Variants in PPRC1 observed in about 807,000 individuals in gnomAD.
PPRC1 encodes the protein PPARG related coactivator 1.
In PPRC1, 23 loss-of-function variants were observed where a neutral mutation model predicts 132.5. The observed-to-expected ratio is 0.17, with a 90% CI of 0.12 to 0.25. The LOEUF (loss-of-function observed/expected upper bound fraction) is 0.25, where lower values mean the gene tolerates loss of function less well. PPRC1 is among the 10% of genes least tolerant of loss of function. PPRC1 has a pLI of 1.00. For synonymous variants in PPRC1, 872 were observed against 833.5 expected (o/e 1.05, Z -0.80); for missense variants, 2,006 against 2,089.1 (o/e 0.96, Z 0.78).
chr10:102,141,245 C>T lies in PPRC1; in HGVS notation c.2737C>T (p.Pro913Ser). 1 of 1,614,096 alleles carries T rather than the reference C, an allele frequency of 6.2e-7. No individual in the cohort carries two copies. Among genetic ancestry groups the T allele is most frequent in the Non-Finnish European group, 8.5e-7 (1 of 1,179,978 alleles). The stretch of plus-strand genomic sequence containing the variant: ...GTCTATGGGGCCAGTACTACCTGAT[C>T]CGTTTACTCACTATGCCCCCTTGCC... ...PLSMGPVLPD[P>S]FTHYAPLPSW... is the part of the protein sequence containing the mutation. The change falls in exon 5 of 14, where the codon CCG becomes TCG. Residue 913 changes from proline to serine, a missense_variant. By Grantham distance (74) the Pro-to-Ser change is moderately conservative (BLOSUM62 -1). This residue lies in a region of PPRC1 where 1,914 missense variants were observed against 1,917.2 expected (regional missense o/e 1.00). Transcript: ENST00000278070.
chr10:102,136,355 T>C (rs2068722316), intron 1 of PPRC1, among the ~76,000 whole-genome samples: 1 of 152,118 alleles, frequency 6.6e-6, no homozygotes, highest in Admixed American at 6.5e-5. Context: ...GTTGCTTTTT[T>C]CTTTTGGAAG....
intron 5 of PPRC1, chr10:102,142,817 T>G: frequency 2.7e-5 from 10 of 377,020 alleles, no homozygotes; most frequent in Admixed American, 4.1e-5. Context: ...GTAGCTGGGA[T>G]TTATAGGCAC....
At chr10:102,127,019 T>TTTTTTATATATA in the PPRC1 span, among the ~76,000 whole-genome samples, 4 of 78,892 alleles carry the variant, frequency 5.1e-5, no homozygotes, top group Admixed American at 1.5e-4. Context: ...TGGTTTTTTA[T>TTTTTTATATATA]CATATATATA....
Position 102,146,931 on chromosome 10 carries a change from C to T in PPRC1, c.3939C>T (p.Val1313=), listed in dbSNP as rs759511283. The T allele has an allele frequency of 1.2e-6, 2 of 1,614,124 alleles. No individual in the cohort carries two copies. Among genetic ancestry groups the T allele is most frequent in the African/African-American group, 1.3e-5 (1 of 75,028 alleles). ...RTPPKKMPAL[V]IPEVGSRWNV... is the part of the protein sequence containing the mutation. ...CCCCAAAAAAGATGCCTGCCCTAGT[C>T]ATTCCAGAGGTGGGCTCCCGATGGA... Residue 1313 remains valine, a synonymous_variant, in exon 9 of 14, where the codon GTC becomes GTT. Transcript: ENST00000278070.
Position 102,140,084 on chromosome 10 carries a change from C to G in PPRC1, c.1576C>G (p.Arg526Gly). Reference protein sequence around the residue: ...QGKGKPRAWARAWAAALENSS... With the variant: ...QGKGKPRAWAGAWAAALENSS... ...TAAGGGGAAGCCCCGGGCTTGGGCT[C>G]GGGCCTGGGCAGCTGCCTTGGAGAA... is the stretch of plus-strand genomic sequence containing the variant. The change falls in exon 5 of 14, where the codon CGG becomes GGG. Residue 526 changes from arginine (R) to glycine (G), a missense_variant. Physicochemically the swap from Arg to Gly is moderately radical, Grantham distance 125. Transcript: ENST00000278070. 1 of 1,614,230 alleles carries G rather than the reference C, an allele frequency of 6.2e-7. No homozygotes were observed. The highest frequency in any genetic ancestry group is 8.5e-7 in the Non-Finnish European group (1 of 1,180,040).
upstream of PPRC1, among the ~76,000 whole-genome samples, chr10:102,129,859 C>T (rs910099437): frequency 6.6e-6 from 1 of 152,146 alleles, no homozygotes; most frequent in African/African-American, 2.4e-5. Flanking sequence ...CTGCCTCGGC[C>T]TCCCAAAGTG....
Position 102,147,201 on chromosome 10 carries a change from C to T in PPRC1, c.4209C>T (p.Arg1403=). 6.2e-7 allele frequency: 1 copy of T among 1,613,924 alleles called. No homozygotes were observed. The highest frequency in any genetic ancestry group is 8.5e-7 in the Non-Finnish European group (1 of 1,180,048). ...CCTCAGCCAAGCAGCGGTCAATGCG[C>T]TGTTACCGAAAAGCCTGCAGGTCAG... ...PEPSAKQRSM[R]CYRKACRSAS... Residue 1403 remains arginine (R), a synonymous_variant, in exon 9 of 14, where the codon CGC becomes CGT. Coordinates refer to ENST00000278070, the MANE Select transcript of PPRC1 (RefSeq NM_015062.5).
chr10:102,141,864 A>G lies in PPRC1; in HGVS notation c.3356A>G (p.Lys1119Arg). The G allele has an allele frequency of 6.2e-7, 1 of 1,614,076 alleles. No individual in the cohort carries two copies. The highest frequency in any genetic ancestry group is 8.5e-7 in the Non-Finnish European group (1 of 1,179,982). Reference protein sequence around the residue: ...PREKPPLPATKAVPTPRQSTV... With the variant: ...PREKPPLPATRAVPTPRQSTV... ...GAGAAGCCCCCCTTGCCTGCTACCA[A>G]GGCTGTTCCCACACCAAGGCAGAGC... The change falls in exon 5 of 14, where the codon AAG (lysine) becomes AGG (arginine). Residue 1119 changes from lysine to arginine, a missense_variant. By Grantham distance (26) the Lys-to-Arg change is conservative. Around this residue, in one of 2 missense-constraint regions of PPRC1, gnomAD observed 1,914 missense variants for 1,917.2 expected, o/e 1.00. Coordinates refer to ENST00000278070, the MANE Select transcript of PPRC1 (RefSeq NM_015062.5).
Position 102,141,345 on chromosome 10 carries a change from T to G in PPRC1, c.2837T>G (p.Val946Gly). Reference sequence around the variant, plus strand: ...CCCCCCCCACCAACGGTGCCCCTAGTGTCTGGTACTCCTGGTGCCTATGCC... The same window carrying G: ...CCCCCCCCACCAACGGTGCCCCTAGGGTCTGGTACTCCTGGTGCCTATGCC... ...CLPPPPTVPL[V>G]SGTPGAYAVP... is the part of the protein sequence containing the mutation. Residue 946 changes from valine to glycine, a missense_variant, in exon 5 of 14, where the codon GTG becomes GGG. Transcript: ENST00000278070. 1.2e-6 allele frequency: 2 copies of G among 1,614,118 alleles called. No homozygotes were observed. The highest frequency in any genetic ancestry group is 1.7e-6 in the Non-Finnish European group (2 of 1,180,010).
At position 102,138,895 on chromosome 10, in the gene PPRC1, C is replaced by T. The variant is rs781710563; in HGVS notation, c.506C>T (p.Thr169Ile). 1.9e-6 allele frequency: 3 copies of T among 1,613,900 alleles called. No homozygotes were observed. The highest frequency in any genetic ancestry group is 1.7e-6 in the Non-Finnish European group (2 of 1,179,898). Residue 169 changes from threonine to isoleucine, a missense_variant, in exon 4 of 14, where the codon ACT becomes ATT. Around this residue, in one of 2 missense-constraint regions of PPRC1, gnomAD observed 1,914 missense variants for 1,917.2 expected, o/e 1.00. Transcript: ENST00000278070. ...CCCTCTTAGCTGCACAAGCTGCTTA[C>T]TCTCTCTCGGACACCCCCAGAACGT... ...REGSSLHKLL[T>I]LSRTPPERDL... is the part of the protein sequence containing the mutation.
At chr10:102,146,646 A>G (rs775115955) in intron 8 of PPRC1, 26 bp from the exon 9 acceptor site, 24 of 1,581,990 alleles carry the variant, frequency 1.5e-5, no homozygotes, top group Middle Eastern at 2.2e-4. Context: ...TCATCCTGCT[A>G]TCTCCATCCT....
rs78664115 is a variant in PPRC1, at chr10:102,147,412, T to C, written c.4400+20T>C. 1,796 of 1,584,088 alleles carry C rather than the reference T, an allele frequency of 1.1e-3. 17 individuals carry two copies. In the African/African-American group the frequency reaches 0.021, roughly 19 times the overall value. The stretch of plus-strand genomic sequence containing the variant: ...GCGAAGGTGAGCTTTGATGGCCCTG[T>C]AGGTCCTCTCCATTTAGGAAGTTCA... On this transcript the variant is annotated intron_variant, in intron 9 of 13. Coordinates refer to ENST00000278070, the MANE Select transcript of PPRC1 (RefSeq NM_015062.5).
At chr10:102,138,438 A>AC (rs2068805335) in intron 2 of PPRC1, among the ~76,000 whole-genome samples, 181 bp from the exon 3 acceptor site, 1 of 152,192 alleles carries the variant, frequency 6.6e-6, no homozygotes, top group African/African-American at 2.4e-5. Flanking sequence ...CTCTGTTGAC[A>AC]CCAAGAGCTG....
chr10:102,149,008 G>A, intron 12 of PPRC1, 70 bp downstream of exon 12: 1 of 1,589,480 alleles, frequency 6.3e-7, no homozygotes, highest in Non-Finnish European at 8.6e-7. Context: ...TCTTTGTCTT[G>A]CCTCCTTGCT....
chr10:102,125,868 T>C, the PPRC1 span, among the ~76,000 whole-genome samples: 88 of 151,280 alleles, frequency 5.8e-4, no homozygotes, highest in East Asian at 0.012. Context: ...TCTTTTCTTT[T>C]TTTTTTTTTT....
the PPRC1 span, among the ~76,000 whole-genome samples, chr10:102,122,190 C>G: frequency 6.6e-6 from 1 of 152,124 alleles, no homozygotes; most frequent in African/African-American, 2.4e-5. Context: ...TGCACCCCCT[C>G]CCTGCATTCT....
At chr10:102,133,039 C>A, upstream of PPRC1, 2 of 1,239,436 alleles carry the variant, frequency 1.6e-6, no homozygotes, top group Non-Finnish European at 1.0e-6. Context: ...CGCCAGCGAT[C>A]AGAGCAGCGC....
Position 102,138,837 on chromosome 10 carries a change from T to G in PPRC1, c.490-42T>G, listed in dbSNP as rs200253190. ...ATGCCTGTGGACCTACTCATATAGC[T>G]CTGAAGCATAGACTGATCTCAGGTC... On this transcript the variant is annotated intron_variant, in intron 3 of 13. Transcript: ENST00000278070. 14 of 1,611,938 alleles carry G rather than the reference T, an allele frequency of 8.7e-6. No homozygotes were observed. The East Asian group carries it at 3.1e-4, about 36-fold the overall frequency.
chr10:102,147,251 A>C lies in PPRC1; in HGVS notation c.4259A>C (p.Gln1420Pro). Residue 1420 changes from glutamine to proline, a missense_variant, in exon 9 of 14, where the codon CAG becomes CCG. By Grantham distance (76) the Gln-to-Pro change is moderately conservative (BLOSUM62 -1). Coordinates refer to ENST00000278070, the MANE Select transcript of PPRC1 (RefSeq NM_015062.5). ...GCCAGCCCCTCAAGCCAGGGCTGGC[A>C]GGGCCGCCGAGGCCGCAACAGCCGT... ...RSASPSSQGW[Q>P]GRRGRNSRSV... 6.2e-7 allele frequency: 1 copy of C among 1,613,064 alleles called. No homozygotes were observed. Among genetic ancestry groups the C allele is most frequent in the Non-Finnish European group, 8.5e-7 (1 of 1,180,030 alleles).
Sources: allele counts gnomAD v4.1 joint callset (sites outside exome capture counted in the v4.1 genomes callset), GRCh38; gene constraint gnomAD v4.1.1; regional missense constraint gnomAD v4.1.1; transcripts MANE v1.5; gene names NCBI Gene and HGNC (gene_info 2026-07-23, HGNC 2026-07-21).